PDZRN4: variants seen among roughly 807,000 people sequenced by gnomAD.
PDZRN4 encodes PDZ domain-containing RING finger protein 4.
Under a neutral mutation model 99.0 loss-of-function variants are expected in PDZRN4, and 70 were observed. The observed-to-expected ratio is 0.71, with a 90% CI of 0.58 to 0.86. PDZRN4 has a LOEUF of 0.86. PDZRN4 is among the 40% of genes least tolerant of loss of function. The probability of loss-of-function intolerance (pLI) is 0.00; values close to 1 mark genes in which losing one functional copy is unlikely to be tolerated. For synonymous variants in PDZRN4, 551 were observed against 501.6 expected (o/e 1.10, Z -1.32); for missense variants, 1,474 against 1,331.2 (o/e 1.11, Z -1.67).
At chr12:41,377,699 G>C (rs1227832430) in intron 3 of PDZRN4, among the ~76,000 whole-genome samples, 2 of 151,922 alleles carry the variant, frequency 1.3e-5, no homozygotes, top group African/African-American at 4.8e-5. Context: ...TGTACAGATT[G>C]TTCACCTCTT....
intron 3 of PDZRN4, among the ~76,000 whole-genome samples, chr12:41,443,672 A>C (rs1238977566): frequency 6.6e-6 from 1 of 152,132 alleles, no homozygotes; most frequent in Non-Finnish European, 1.5e-5. Flanking sequence ...TGGTCAAAAG[A>C]ATGTAAAAGG....
rs191021360 is a variant in PDZRN4 at position 41,331,400 on chromosome 12, T to A, written c.843+137212T>A. The stretch of plus-strand genomic sequence containing the variant: ...ACAATTACATCTCTCAAAATGTTAG[T>A]GGATATGAAGGGCTACAACTAGAAA... On this transcript the variant is annotated intron_variant, in intron 3 of 9. Transcript: ENST00000402685. Among the ~76,000 whole-genome samples the A allele has an allele frequency of 3.9e-5, 6 of 152,070 alleles. No individual in the cohort carries two copies. In the East Asian group the frequency reaches 1.2e-3, roughly 30 times the overall value.
Position 41,450,151 on chromosome 12 carries a change from A to G in PDZRN4, c.844-56305A>G, listed in dbSNP as rs149516612. ...TTAAGCTTTAAATAAAACCTAACCCAATTTAATAATATACTAAACATATAT... is the reference window on the plus strand; with the variant it reads ...TTAAGCTTTAAATAAAACCTAACCCGATTTAATAATATACTAAACATATAT... On this transcript the variant is annotated intron_variant, in intron 3 of 9. Coordinates refer to ENST00000402685, the MANE Select transcript of PDZRN4 (RefSeq NM_001164595.2). Among the ~76,000 whole-genome samples, 562 of 152,324 alleles carry G rather than the reference A, an allele frequency of 3.7e-3. 2 individuals carry two copies. Among genetic ancestry groups the G allele is most frequent in the African/African-American group, 0.013 (524 of 41,566 alleles).
At chr12:41,416,100 A>G (rs1592051335) in intron 3 of PDZRN4, among the ~76,000 whole-genome samples, 1 of 152,180 alleles carries the variant, frequency 6.6e-6, no homozygotes, top group African/African-American at 2.4e-5. Context: ...AAATCATGCC[A>G]TTAAAATTTG....
At chr12:41,393,559 T>C in intron 3 of PDZRN4, among the ~76,000 whole-genome samples, 1 of 152,196 alleles carries the variant, frequency 6.6e-6, no homozygotes, top group East Asian at 1.9e-4. Context: ...TAAAGAATGC[T>C]TTTCCTAGAA....
At chr12:41,400,377 A>C (rs897597677) in intron 3 of PDZRN4, among the ~76,000 whole-genome samples, 1 of 152,124 alleles carries the variant, frequency 6.6e-6, no homozygotes, top group Non-Finnish European at 1.5e-5. Context: ...ATAGTCCACT[A>C]ATATTCTTCT....
chr12:41,388,418 G>A lies in PDZRN4; in HGVS notation c.844-118038G>A, dbSNP rs186707041. Among the ~76,000 whole-genome samples the A allele has an allele frequency of 1.2e-3, 179 of 151,770 alleles. 2 individuals are homozygous for A. The highest frequency in any genetic ancestry group is 1.5e-3 in the Non-Finnish European group (101 of 67,948). ...AAAAAAAAGGAAAGTTGGAGGAATC[G>A]CAAGAGCCAAATTTTGAAGCATTTT... On this transcript the variant is annotated intron_variant, in intron 3 of 9. Coordinates refer to ENST00000402685, the MANE Select transcript of PDZRN4 (RefSeq NM_001164595.2).
At chr12:41,534,999 C>T (rs867622400) in intron 5 of PDZRN4, among the ~76,000 whole-genome samples, 1 of 151,970 alleles carries the variant, frequency 6.6e-6, no homozygotes, top group Middle Eastern at 3.4e-3. Context: ...TGAGTAATTT[C>T]CCTCCTCAGG....
chr12:41,220,615 C>T (rs1425186608), intron 3 of PDZRN4, among the ~76,000 whole-genome samples: 1 of 152,046 alleles, frequency 6.6e-6, no homozygotes, highest in Non-Finnish European at 1.5e-5. Context: ...GGAGCTGATG[C>T]CAGAAGCTGA....
chr12:41,470,524 AAGTTTT>A (rs1952977600), intron 3 of PDZRN4, among the ~76,000 whole-genome samples: 4 of 151,794 alleles, frequency 2.6e-5, no homozygotes, highest in Admixed American at 1.3e-4. Flanking sequence ...ATTATACTTT[AAGTTTT>A]AGGGTACATG....
chr12:41,213,264 A>C (rs1950899406), intron 3 of PDZRN4, among the ~76,000 whole-genome samples: 2 of 152,022 alleles, frequency 1.3e-5, no homozygotes, highest in Non-Finnish European at 2.9e-5. Flanking sequence ...ATCCAGATGG[A>C]AGTGGGAGGC....
At chr12:41,458,291 G>T (rs528856112) in intron 3 of PDZRN4, among the ~76,000 whole-genome samples, 3 of 152,276 alleles carry the variant, frequency 2.0e-5, no homozygotes, top group African/African-American at 7.2e-5. Flanking sequence ...CTGAGTAGCT[G>T]GGATTACAGA....
Position 41,188,754 on chromosome 12 carries a change from A to T in PDZRN4, c.299A>T (p.His100Leu). 6.8e-7 allele frequency: 1 copy of T among 1,473,146 alleles called. No individual in the cohort carries two copies. The highest frequency in any genetic ancestry group is 8.9e-7 in the Non-Finnish European group (1 of 1,120,896). 91.3% of individuals were successfully genotyped at this position (1,473,146 alleles called of 1,614,324 possible). Residue 100 changes from histidine (H) to leucine (L), a missense_variant, in exon 1 of 10, where the codon CAC (histidine) becomes CTC (leucine). Physicochemically the swap from His to Leu is moderately conservative, Grantham distance 99. Transcript: ENST00000402685. ...GTCAGGCTGCACGAGCTGGAGGCGC[A>T]CGTCGAGCACTGCGACTTCGGCCCT... ...HSVRLHELEA[H>L]VEHCDFGPAR...
At chr12:41,286,710 G>A (rs148522600) in intron 3 of PDZRN4, among the ~76,000 whole-genome samples, 18 of 152,230 alleles carry the variant, frequency 1.2e-4, no homozygotes, top group Non-Finnish European at 2.1e-4. Flanking sequence ...CTTTGCTTTG[G>A]ACATTGCTGT....
intron 3 of PDZRN4, among the ~76,000 whole-genome samples, chr12:41,492,929 A>G (rs188847416): frequency 9.6e-4 from 146 of 152,284 alleles, no homozygotes; most frequent in African/African-American, 3.2e-3. Flanking sequence ...TGTGCATATG[A>G]CATTCTGGAA....
At chr12:41,280,746 G>C (rs1308084511) in intron 3 of PDZRN4, among the ~76,000 whole-genome samples, 1 of 152,118 alleles carries the variant, frequency 6.6e-6, no homozygotes, top group African/African-American at 2.4e-5. Flanking sequence ...CCATCTCCCT[G>C]GGACAGAGCA....
rs138300718 is a variant in PDZRN4, at chr12:41,493,190, G to A, written c.844-13266G>A. ...TCTCTGCAGTGTTTCACTGGTTTCC[G>A]TATGCCATGTAATTAATCTTTAGTG... On this transcript the variant is annotated intron_variant, in intron 3 of 9. Transcript: ENST00000402685. Among the ~76,000 whole-genome samples, 11 of 152,226 alleles carry A rather than the reference G, an allele frequency of 7.2e-5. No homozygotes were observed. The East Asian group carries it at 1.5e-3, about 21-fold the overall frequency.
intron 3 of PDZRN4, among the ~76,000 whole-genome samples, chr12:41,227,289 C>T (rs965657147): frequency 1.3e-5 from 2 of 152,052 alleles, no homozygotes; most frequent in Non-Finnish European, 2.9e-5. Context: ...CTAAAATCCC[C>T]AGTGATTTTG....
intron 3 of PDZRN4, among the ~76,000 whole-genome samples, chr12:41,359,430 T>G (rs1266055133): frequency 6.6e-6 from 1 of 151,966 alleles, no homozygotes; most frequent in Non-Finnish European, 1.5e-5. Flanking sequence ...AACAGAACCT[T>G]TATTTGGCAA....
Sources: gnomAD v4.1 joint callset for allele counts (sites outside exome capture counted in the v4.1 genomes callset) on GRCh38, gnomAD v4.1.1 for gene constraint, MANE v1.5 for transcripts, NCBI Gene and HGNC (gene_info 2026-07-23, HGNC 2026-07-21) for gene names.